The following TRAF3IP1 variants were observed in gnomAD, a reference collection of about 807,000 sequenced individuals.
TRAF3IP1 encodes the protein TRAF3-interacting protein 1.
TRAF3IP1 carries 53 observed loss-of-function variants against 89.9 expected under a neutral mutation model. The observed-to-expected ratio is 0.59, with a 90% CI of 0.47 to 0.74. The LOEUF (loss-of-function observed/expected upper bound fraction) is 0.74, where lower values mean the gene tolerates loss of function less well. Ranked by LOEUF, TRAF3IP1 falls within the 30% of genes least tolerant of loss-of-function variation. TRAF3IP1 has a pLI of 0.00. For synonymous variants in TRAF3IP1, 311 were observed against 322.1 expected (o/e 0.97, Z 0.37); for missense variants, 806 against 866.1 (o/e 0.93, Z 0.87).
intron 9 of TRAF3IP1, among the ~76,000 whole-genome samples, chr2:238,346,662 A>G (rs1242714589): frequency 5.3e-5 from 8 of 152,214 alleles, no homozygotes; most frequent in Non-Finnish European, 1.2e-4. Flanking sequence ...TCGAGGCTGC[A>G]TGAACTGTTC....
intron 15 of TRAF3IP1, among the ~76,000 whole-genome samples, chr2:238,389,748 A>AAATAATAATAACAAT (rs369332290): frequency 6.8e-6 from 1 of 146,336 alleles, no homozygotes; most frequent in Non-Finnish European, 1.5e-5. Context: ...ACTCCATCTC[A>AAATAATAATAACAAT]AATAATAATA....
At chr2:238,384,539 AT>A (rs35203636) in intron 15 of TRAF3IP1, among the ~76,000 whole-genome samples, 68,688 of 119,788 alleles carry the variant, frequency 0.57, 17,695 homozygotes, top group Middle Eastern at 0.71. Flanking sequence ...CGCCTGGCTA[AT>A]TTTTTTTTTT....
chr2:238,351,528 G>T lies in TRAF3IP1; in HGVS notation c.1452-1299G>T, dbSNP rs1180771902. Among the ~76,000 whole-genome samples, 1 of 152,114 alleles carries T rather than the reference G, an allele frequency of 6.6e-6. No homozygotes were observed. Among genetic ancestry groups the T allele is most frequent in the African/African-American group, 2.4e-5 (1 of 41,412 alleles). ...TGGAGAGCAAGGCGGGACAGAGAGG[G>T]CCTGCCGATCACGGCAGGCACAGGG... is the stretch of plus-strand genomic sequence containing the variant. On this transcript the variant is annotated intron_variant, in intron 12 of 16. Transcript: ENST00000373327. The surrounding 1 kb of genome is among the most constrained non-coding windows in gnomAD (Gnocchi z 5.2).
At chr2:238,363,701 C>A (rs1050714046) in intron 15 of TRAF3IP1, among the ~76,000 whole-genome samples, 1 of 152,126 alleles carries the variant, frequency 6.6e-6, no homozygotes, top group Non-Finnish European at 1.5e-5. Flanking sequence ...GTGGCTCACA[C>A]CTGTAATCCC....
chr2:238,351,876 C>CGCGT lies in TRAF3IP1; in HGVS notation c.1452-949_1452-946dup, dbSNP rs1559371514. On this transcript the variant is annotated intron_variant, in intron 12 of 16. Transcript: ENST00000373327. This position sits in a 1 kb window ranked among gnomAD's most constrained non-coding sequence, Gnocchi z 5.2. ...GTGTGTGTGTGTGTGTGCGCGCGCG[C>CGCGT]GCGTGTGCGTGCATGTGCTTGTGTG... 1.4e-5 allele frequency among the ~76,000 whole-genome samples: 2 copies of CGCGT among 147,498 alleles called. No homozygotes were observed. Among genetic ancestry groups the CGCGT allele is most frequent in the East Asian group, 3.9e-4 (2 of 5,118 alleles).
chr2:238,327,791 T>C (rs1697912455), intron 3 of TRAF3IP1, among the ~76,000 whole-genome samples: 2 of 152,154 alleles, frequency 1.3e-5, no homozygotes, highest in Non-Finnish European at 2.9e-5. Flanking sequence ...TCTGTCTCTA[T>C]GAATCTGACT....
chr2:238,328,780 A>T lies in TRAF3IP1; in HGVS notation c.449A>T (p.Asp150Val), dbSNP rs1574893691. Residue 150 changes from aspartate to valine, a missense_variant, in exon 4 of 17, where the codon GAT becomes GTT. Asp to Val is a radical substitution (Grantham distance 152). Around this residue, in one of 3 missense-constraint regions of TRAF3IP1, gnomAD observed 732 missense variants for 780.5 expected, o/e 0.94. Coordinates refer to ENST00000373327, the MANE Select transcript of TRAF3IP1 (RefSeq NM_015650.4). ...ASLTSRSQELDNKNVREEESR... is the reference protein window; with the variant it reads ...ASLTSRSQELVNKNVREEESR... ...CTGACCTCAAGATCTCAGGAATTGGATAATAAGAATGTGCGAGAAGAAGAG... is the reference window on the plus strand; with the variant it reads ...CTGACCTCAAGATCTCAGGAATTGGTTAATAAGAATGTGCGAGAAGAAGAG... 1 of 1,614,172 alleles carries T rather than the reference A, an allele frequency of 6.2e-7. No individual in the cohort carries two copies. Among genetic ancestry groups the T allele is most frequent in the Non-Finnish European group, 8.5e-7 (1 of 1,180,036 alleles).
Position 238,320,762 on chromosome 2 carries a change from T to C in TRAF3IP1, c.100T>C (p.Tyr34His). 7.0e-7 allele frequency: 1 copy of C among 1,432,574 alleles called. No individual in the cohort carries two copies. The highest frequency in any genetic ancestry group is 9.3e-7 in the Non-Finnish European group (1 of 1,079,740). 88.7% of individuals were successfully genotyped at this position (1,432,574 alleles called of 1,614,324 possible). ...GCTGCTGAGCAAGCCCCCGTTCCGC[T>C]ACCTGCACGACATCATCACGGAGGT... ...EKLLSKPPFR[Y>H]LHDIITEVIR... The change falls in exon 1 of 17, where the codon TAC (tyrosine) becomes CAC (histidine). Residue 34 changes from tyrosine (Y) to histidine (H), a missense_variant. By Grantham distance (83) the Tyr-to-His change is moderately conservative. Coordinates refer to ENST00000373327, the MANE Select transcript of TRAF3IP1 (RefSeq NM_015650.4).
At chr2:238,341,586 T>C (rs1447635758) in intron 8 of TRAF3IP1, among the ~76,000 whole-genome samples, 1 of 151,248 alleles carries the variant, frequency 6.6e-6, no homozygotes, top group East Asian at 1.9e-4. Context: ...TTTAACTTAG[T>C]GTAGCTAAAA....
chr2:238,385,774 A>C (rs778562041), intron 15 of TRAF3IP1, among the ~76,000 whole-genome samples: 1 of 152,204 alleles, frequency 6.6e-6, no homozygotes, highest in Non-Finnish European at 1.5e-5. Context: ...GGCATCTCCT[A>C]CATGGGAGTT....
Position 238,389,470 on chromosome 2 carries a change from G to A in TRAF3IP1, c.1690-7989G>A, listed in dbSNP as rs185461663. On this transcript the variant is annotated intron_variant, in intron 15 of 16. Coordinates refer to ENST00000373327, the MANE Select transcript of TRAF3IP1 (RefSeq NM_015650.4). ...TATTTTAAAAATAATACTTTTGGCC[G>A]GGTGCAGTGGCTCACATCTGTAATC... Among the ~76,000 whole-genome samples the A allele has an allele frequency of 5.3e-5, 8 of 151,478 alleles. No individual in the cohort carries two copies. In the East Asian group the frequency reaches 5.8e-4, roughly 11 times the overall value.
Position 238,358,692 on chromosome 2 carries a change from A to G in TRAF3IP1, c.1689+2612A>G, listed in dbSNP as rs574679129. Among the ~76,000 whole-genome samples the G allele has an allele frequency of 3.9e-5, 6 of 152,146 alleles. No homozygotes were observed. In the South Asian group the frequency reaches 1.2e-3, roughly 32 times the overall value. ...AATGTCACCCTCGTGTTGATCTGTTATGCAGGTTGCTTTCTTCATGCAGCA... is the reference window on the plus strand; with the variant it reads ...AATGTCACCCTCGTGTTGATCTGTTGTGCAGGTTGCTTTCTTCATGCAGCA... On this transcript the variant is annotated intron_variant, in intron 15 of 16. Coordinates refer to ENST00000373327, the MANE Select transcript of TRAF3IP1 (RefSeq NM_015650.4).
intron 15 of TRAF3IP1, among the ~76,000 whole-genome samples, chr2:238,381,042 A>G (rs1700524355): frequency 6.6e-6 from 1 of 150,696 alleles, no homozygotes; most frequent in Non-Finnish European, 1.5e-5. Flanking sequence ...AAAAGGCTTC[A>G]TCTGTCCTAT....
intron 15 of TRAF3IP1, among the ~76,000 whole-genome samples, chr2:238,376,421 T>C (rs1424908908): frequency 2.0e-5 from 3 of 152,166 alleles, no homozygotes; most frequent in Non-Finnish European, 4.4e-5. Flanking sequence ...CAAGGCCTTG[T>C]GTCTGGTAGC....
At chr2:238,344,454 G>C in intron 8 of TRAF3IP1, 43 bp from the exon 9 acceptor site, 1 of 1,495,748 alleles carries the variant, frequency 6.7e-7, no homozygotes, top group Non-Finnish European at 9.3e-7. Context: ...CCGGCCCTTT[G>C]GTGTACAGTC....
intron 10 of TRAF3IP1, 99 bp from the exon 11 acceptor site, chr2:238,348,657 TGTATTTGA>T: frequency 1.1e-6 from 1 of 947,196 alleles, no homozygotes; most frequent in Non-Finnish European, 1.6e-6. Context: ...CAATTACAAA[TGTATTTGA>T]TTGCAAATAA....
intron 8 of TRAF3IP1, among the ~76,000 whole-genome samples, chr2:238,342,133 C>T (rs1313739910): frequency 6.6e-6 from 1 of 151,910 alleles, no homozygotes; most frequent in African/African-American, 2.4e-5. Context: ...GGATTACAGG[C>T]GTGTGCCACT....
chr2:238,384,862 C>T (rs944208697), intron 15 of TRAF3IP1, among the ~76,000 whole-genome samples: 3 of 152,072 alleles, frequency 2.0e-5, no homozygotes, highest in Non-Finnish European at 4.4e-5. Flanking sequence ...ATTCTAGGAT[C>T]GAAACTCTGT....
At position 238,329,197 on chromosome 2, in the gene TRAF3IP1, AAG is replaced by A. The variant is rs748335793; in HGVS notation, c.774_775del (p.Lys259GlyfsTer41). ...ACAGAGAGAAAGAGTGAGGGGGGGA[AAG>A]AGAAGGAGAGACTGAGAGACAGGGA... is the stretch of plus-strand genomic sequence containing the variant. On this transcript the variant is annotated frameshift_variant, in exon 5 of 17. Coordinates refer to ENST00000373327, the MANE Select transcript of TRAF3IP1 (RefSeq NM_015650.4). LOFTEE classifies it high-confidence loss of function. 10 of 1,572,208 alleles carry A rather than the reference AAG, an allele frequency of 6.4e-6. No individual in the cohort carries two copies. Among genetic ancestry groups the A allele is most frequent in the Non-Finnish European group, 7.7e-6 (9 of 1,161,804 alleles).
Sources: allele counts gnomAD v4.1 joint callset (sites outside exome capture counted in the v4.1 genomes callset), GRCh38; gene constraint gnomAD v4.1.1; regional missense constraint gnomAD v4.1.1; non-coding constraint Gnocchi (gnomAD v3.1); transcripts MANE v1.5; gene names NCBI Gene and HGNC (gene_info 2026-07-23, HGNC 2026-07-21).